The following CFAP100 variants were observed in gnomAD, a reference collection of about 807,000 sequenced individuals.
The protein encoded by CFAP100 is cilia and flagella associated protein 100.
A neutral mutation model predicts 81.5 loss-of-function variants in CFAP100; 70 were observed. That is an observed-to-expected ratio of 0.86 (90% CI 0.71 to 1.05). The LOEUF (loss-of-function observed/expected upper bound fraction) is 1.05, where lower values mean the gene tolerates loss of function less well. CFAP100 is among the 50% of genes least tolerant of loss of function. The probability of loss-of-function intolerance (pLI) is 0.00; values close to 1 mark genes in which losing one functional copy is unlikely to be tolerated. For missense variants in CFAP100, 811 were observed against 776.5 expected (o/e 1.04, Z -0.53); for synonymous variants, 341 against 314.8 (o/e 1.08, Z -0.88).
At chr3:126,419,937 G>C (rs746443821) in intron 9 of CFAP100, 43 bp from the exon 10 acceptor site, 14 of 1,612,582 alleles carry the variant, frequency 8.7e-6, no homozygotes, top group Non-Finnish European at 1.2e-5. Flanking sequence ...CTGAAGCTTG[G>C]CTGCAGCTGA....
In CFAP100 at chr3:126,424,902, C is replaced by T. The variant is rs1012439162; in HGVS notation, c.1286+1258C>T. Among the ~76,000 whole-genome samples the T allele has an allele frequency of 7.2e-5, 11 of 152,306 alleles. No homozygotes were observed. The East Asian group carries it at 7.7e-4, about 11-fold the overall frequency. ...GCTGGGCGAAGAGGGTCCCAGGCAG[C>T]GGGAACAGCAGGTGCAAAGGCACTG... is the stretch of plus-strand genomic sequence containing the variant. On this transcript the variant is annotated intron_variant, in intron 13 of 16. Transcript: ENST00000352312.
intron 2 of CFAP100, among the ~76,000 whole-genome samples, chr3:126,400,912 T>C (rs1467713838): frequency 2.0e-5 from 3 of 152,160 alleles, no homozygotes; most frequent in Admixed American, 1.3e-4. Flanking sequence ...TTATTCACAA[T>C]AGCCAAGCGG....
At chr3:126,399,964 G>T (rs189474418) in intron 2 of CFAP100, among the ~76,000 whole-genome samples, 1 of 152,290 alleles carries the variant, frequency 6.6e-6, no homozygotes, top group East Asian at 1.9e-4. Context: ...ATCATGGCCT[G>T]CTTCTGAGGG....
chr3:126,418,230 C>T, intron 5 of CFAP100: 1 of 560,070 alleles, frequency 1.8e-6, no homozygotes, highest in Non-Finnish European at 3.2e-6. Flanking sequence ...GTAAGGACTT[C>T]CCACGCGGCC....
At chr3:126,412,380 G>C (rs2083171820) in intron 3 of CFAP100, among the ~76,000 whole-genome samples, 2 of 152,166 alleles carry the variant, frequency 1.3e-5, no homozygotes, top group Non-Finnish European at 2.9e-5. Flanking sequence ...TTTCGCCATA[G>C]AAGGTGACAC....
chr3:126,406,596 C>G (rs1318061818), intron 2 of CFAP100, among the ~76,000 whole-genome samples: 1 of 152,242 alleles, frequency 6.6e-6, no homozygotes, highest in Non-Finnish European at 1.5e-5. Context: ...CCTGAAGAAA[C>G]AGGGTGCTGG....
intron 13 of CFAP100, 50 bp downstream of exon 13, chr3:126,423,694 G>C: frequency 6.2e-7 from 1 of 1,609,298 alleles, no homozygotes; most frequent in Non-Finnish European, 8.5e-7. Flanking sequence ...TCTCATCCTG[G>C]GATCCCCCTA....
intron 13 of CFAP100, among the ~76,000 whole-genome samples, chr3:126,429,581 TTTGA>T (rs1420085651): frequency 6.6e-6 from 1 of 151,474 alleles, no homozygotes; most frequent in Non-Finnish European, 1.5e-5. Context: ...AGTGATCTGC[TTTGA>T]TTCTTTTCTC....
At chr3:126,409,447 T>C (rs143371186) in intron 3 of CFAP100, among the ~76,000 whole-genome samples, 45 of 152,322 alleles carry the variant, frequency 3.0e-4, no homozygotes, top group African/African-American at 1.1e-3. Context: ...TTTGGGGACA[T>C]AAGCACTTGC....
chr3:126,406,261 C>T lies in CFAP100; in HGVS notation c.50-911C>T, dbSNP rs191782567. On this transcript the variant is annotated intron_variant, in intron 2 of 16. Transcript: ENST00000352312. ...CAAGACTCCCGCCATCTTCCTCACT[C>T]TTCCCTCACCCCATGACCATTTGCT... Among the ~76,000 whole-genome samples the T allele has an allele frequency of 3.9e-4, 60 of 152,352 alleles. No individual in the cohort carries two copies. The East Asian group carries it at 9.5e-3, about 24-fold the overall frequency.
At chr3:126,405,163 G>A (rs1477117319) in intron 2 of CFAP100, among the ~76,000 whole-genome samples, 2 of 151,828 alleles carry the variant, frequency 1.3e-5, no homozygotes, top group East Asian at 1.9e-4. Flanking sequence ...TAGCCCTGGC[G>A]ACCACTGTTC....
chr3:126,403,453 C>G (rs9289280), intron 2 of CFAP100, among the ~76,000 whole-genome samples: 2 of 148,544 alleles, frequency 1.3e-5, no homozygotes, highest in African/African-American at 5.0e-5. Flanking sequence ...GGTGCAATCT[C>G]GGCTCACTGC....
At chr3:126,431,601 C>A (rs1933230417) in intron 13 of CFAP100, among the ~76,000 whole-genome samples, 1 of 152,300 alleles carries the variant, frequency 6.6e-6, no homozygotes, top group South Asian at 2.1e-4. Flanking sequence ...GGATGGTTGT[C>A]AAATTAGTGT....
intron 2 of CFAP100, among the ~76,000 whole-genome samples, chr3:126,406,331 C>T (rs2083063204): frequency 6.6e-6 from 1 of 152,200 alleles, no homozygotes; most frequent in African/African-American, 2.4e-5. Flanking sequence ...ATGAGAAACC[C>T]TGTCTTCCCG....
chr3:126,407,800 C>T (rs2083091084), intron 3 of CFAP100, among the ~76,000 whole-genome samples: 2 of 152,204 alleles, frequency 1.3e-5, no homozygotes. Flanking sequence ...ACACTGCTGC[C>T]ACCGTTAGGA....
chr3:126,434,511 A>C, intron 15 of CFAP100, 130 bp downstream of exon 15: 101 of 840,474 alleles, frequency 1.2e-4, no homozygotes, highest in East Asian at 2.7e-4. Flanking sequence ...TGAGAGACAA[A>C]AGCCCATGTC....
intron 6 of CFAP100, 43 bp downstream of exon 6, chr3:126,418,568 T>C (rs1467284446): frequency 3.7e-6 from 6 of 1,613,532 alleles, no homozygotes; most frequent in Admixed American, 1.7e-5. Flanking sequence ...CAGCAGTGGC[T>C]GGCCCGGGCC....
Position 126,434,243 on chromosome 3 carries a change from A to G in CFAP100, c.1490A>G (p.Gln497Arg). Residue 497 changes from glutamine (Q) to arginine (R), a missense_variant, in exon 15 of 17, where the codon CAG (glutamine) becomes CGG (arginine). Physicochemically the swap from Gln to Arg is conservative, Grantham distance 43 (BLOSUM62 1). Transcript: ENST00000352312. Reference protein sequence around the residue: ...DVYRHCTGTQQEANLGTVQML... With the variant: ...DVYRHCTGTQREANLGTVQML... ...TACCGGCACTGCACCGGCACCCAGC[A>G]GGAGGCCAACCTGGGCACCGTGCAG... 2 of 1,614,008 alleles carry G rather than the reference A, an allele frequency of 1.2e-6. No homozygotes were observed. The highest frequency in any genetic ancestry group is 1.7e-6 in the Non-Finnish European group (2 of 1,180,004).
rs1022762499 is a variant in CFAP100 at position 126,433,180 on chromosome 3, C to T, written c.1398C>T (p.Phe466=). Residue 466 remains phenylalanine (F), a synonymous_variant, in exon 14 of 17, where the codon TTC becomes TTT. Transcript: ENST00000352312. The part of the protein sequence containing the change: ...ELELKARVFH[F]GEYKGDQQDK... ...AGCTCAAAGCCCGAGTCTTCCACTT[C>T]GGCGAGTACAAGGGCGATCAGCAGG... is the stretch of plus-strand genomic sequence containing the variant. 1.2e-5 allele frequency: 19 copies of T among 1,614,208 alleles called. No individual in the cohort carries two copies. The highest frequency in any genetic ancestry group is 1.4e-5 in the Non-Finnish European group (16 of 1,180,026).
Sources: gnomAD v4.1 joint callset for allele counts (sites outside exome capture counted in the v4.1 genomes callset) on GRCh38, gnomAD v4.1.1 for gene constraint, MANE v1.5 for transcripts, NCBI Gene and HGNC (gene_info 2026-07-23, HGNC 2026-07-21) for gene names.